Variants in OR3A2 observed in about 807,000 individuals in gnomAD.
The protein encoded by OR3A2 is olfactory receptor 3A2.
For synonymous variants in OR3A2, 126 were observed against 159.3 expected (o/e 0.79, Z 1.57); for missense variants, 318 against 392.8 (o/e 0.81, Z 1.61).
chr17:3,310,646 G>A (rs754086204), intron 3 of OR3A2: 1 of 542,444 alleles, frequency 1.8e-6, no homozygotes, highest in South Asian at 1.4e-5. Context: ...TCCTGGCTGG[G>A]GCAGACTGCT....
chr17:3,371,886 C>A (rs1226316326), intron 2 of OR3A2, among the ~76,000 whole-genome samples: 2 of 147,880 alleles, frequency 1.4e-5, no homozygotes, highest in Non-Finnish European at 3.0e-5. Context: ...CTGACCCCCC[C>A]ACCTCCCTCC....
intron 2 of OR3A2, among the ~76,000 whole-genome samples, chr17:3,338,162 T>G (rs1462651236): frequency 6.6e-6 from 1 of 152,246 alleles, no homozygotes; most frequent in African/African-American, 2.4e-5. Flanking sequence ...TTGTAGATTC[T>G]GGACATTAGC....
At chr17:3,280,723 A>T (rs1034377560) in intron 1 of OR3A2, among the ~76,000 whole-genome samples, 1 of 152,144 alleles carries the variant, frequency 6.6e-6, no homozygotes, top group Non-Finnish European at 1.5e-5. Context: ...GCTGGAGGGG[A>T]ACAGTGATGA....
chr17:3,310,545 G>C (rs2049032568), intron 3 of OR3A2: 1 of 536,014 alleles, frequency 1.9e-6, no homozygotes, highest in African/African-American at 1.9e-5. Context: ...GTGTGTCAGT[G>C]TCACTGTCCC....
exon 2 of OR3A2, chr17:3,278,266 T>C: frequency 6.2e-7 from 1 of 1,614,120 alleles, no homozygotes; most frequent in South Asian, 1.1e-5. Flanking sequence ...TAGGCAGTGA[T>C]GATGAGAACC....
intron 2 of OR3A2, among the ~76,000 whole-genome samples, chr17:3,381,881 G>A (rs1168387034): frequency 6.6e-6 from 1 of 152,186 alleles, no homozygotes; most frequent in Non-Finnish European, 1.5e-5. Context: ...GAGGTCAGAT[G>A]AGGAAAGACA....
rs375782876 is a variant in OR3A2, at chr17:3,321,260, C to G, written c.-85+14773G>C. 3.2e-4 allele frequency among the ~76,000 whole-genome samples: 48 copies of G among 152,074 alleles called. No homozygotes were observed. The East Asian group carries it at 7.7e-3, about 24-fold the overall frequency. ...CTGAGACTTTGCTGAAGTTGCTTAT[C>G]AGCTTAAGGAGATTTTGGGCTGAGA... On this transcript the variant is annotated intron_variant, in intron 3 of 4. Coordinates refer to the OR3A2 transcript ENST00000573491.
At chr17:3,363,383 G>A (rs2049535195) in intron 2 of OR3A2, among the ~76,000 whole-genome samples, 1 of 151,786 alleles carries the variant, frequency 6.6e-6, no homozygotes, top group Non-Finnish European at 1.5e-5. Context: ...TAGGGCAGGA[G>A]CAACATGCTG....
At chr17:3,366,977 T>C (rs529832820) in intron 2 of OR3A2, among the ~76,000 whole-genome samples, 2 of 152,324 alleles carry the variant, frequency 1.3e-5, no homozygotes, top group East Asian at 3.9e-4. Context: ...TGAGATTACC[T>C]TGAGACTGGT....
At chr17:3,301,934 CA>C (rs1242027229) in intron 3 of OR3A2, among the ~76,000 whole-genome samples, 2 of 151,902 alleles carry the variant, frequency 1.3e-5, no homozygotes, top group Non-Finnish European at 2.9e-5. Context: ...AGCAGAGAGC[CA>C]AATAACACCA....
intron 2 of OR3A2, among the ~76,000 whole-genome samples, chr17:3,349,915 C>A (rs1462048125): frequency 6.6e-6 from 1 of 151,914 alleles, no homozygotes; most frequent in East Asian, 1.9e-4. Flanking sequence ...AACTGAACAA[C>A]CTGCTCCTGA....
intron 3 of OR3A2, among the ~76,000 whole-genome samples, chr17:3,333,308 C>T (rs776446675): frequency 1.3e-5 from 2 of 152,182 alleles, no homozygotes; most frequent in Non-Finnish European, 2.9e-5. Flanking sequence ...TCTCTGCTCT[C>T]AAACCCTGTT....
intron 3 of OR3A2, among the ~76,000 whole-genome samples, chr17:3,325,052 A>T (rs2049159135): frequency 6.6e-6 from 1 of 151,272 alleles, no homozygotes; most frequent in South Asian, 2.1e-4. Flanking sequence ...TCAAGTTCAT[A>T]TTGTCATCTA....
chr17:3,379,334 G>C (rs553991197), intron 2 of OR3A2, among the ~76,000 whole-genome samples: 10 of 152,224 alleles, frequency 6.6e-5, no homozygotes, highest in African/African-American at 2.4e-4. Flanking sequence ...CAGTCAAAAG[G>C]CTTCAGAACA....
chr17:3,369,099 T>C (rs1844154), intron 2 of OR3A2, among the ~76,000 whole-genome samples: 13,133 of 152,252 alleles, frequency 0.086, 1,078 homozygotes, highest in East Asian at 0.48. Flanking sequence ...ATCCTGAAAG[T>C]TTACTTAATT....
chr17:3,319,049 C>T (rs2049098694), intron 3 of OR3A2, among the ~76,000 whole-genome samples: 1 of 152,098 alleles, frequency 6.6e-6, no homozygotes, highest in Non-Finnish European at 1.5e-5. Flanking sequence ...CTTTTACCTG[C>T]TACATACACA....
At chr17:3,337,466 G>A (rs551764199) in intron 2 of OR3A2, among the ~76,000 whole-genome samples, 9 of 150,232 alleles carry the variant, frequency 6.0e-5, no homozygotes, top group East Asian at 2.0e-4. Flanking sequence ...GATGTTCCCC[G>A]CCCTGTGTCC....
At chr17:3,300,862 C>T (rs1285746972) in intron 3 of OR3A2, among the ~76,000 whole-genome samples, 8 of 144,578 alleles carry the variant, frequency 5.5e-5, no homozygotes, top group Non-Finnish European at 1.1e-4. Context: ...CCACGACAGG[C>T]CCTGGTGTGT....
At chr17:3,340,818 C>T (rs925461842) in intron 2 of OR3A2, among the ~76,000 whole-genome samples, 1 of 152,152 alleles carries the variant, frequency 6.6e-6, no homozygotes, top group African/African-American at 2.4e-5. Context: ...CCTGGATATC[C>T]TTGTTAACCT....
Sources: allele counts gnomAD v4.1 joint callset (sites outside exome capture counted in the v4.1 genomes callset), GRCh38; gene constraint gnomAD v4.1.1; transcripts MANE v1.5; gene names NCBI Gene and HGNC (gene_info 2026-07-23, HGNC 2026-07-21).